PCDHA5: variants seen among roughly 807,000 people sequenced by gnomAD.
The protein encoded by PCDHA5 is protocadherin alpha-5.
PCDHA5 carries 43 observed loss-of-function variants against 61.6 expected under a neutral mutation model. The observed-to-expected ratio is 0.70, with a 90% CI of 0.55 to 0.90. The LOEUF is 0.90. PCDHA5 is among the 40% of genes least tolerant of loss of function. The pLI is 0.00. For missense variants in PCDHA5, 1,298 were observed against 1,222.7 expected (o/e 1.06, Z -0.92); for synonymous variants, 627 against 543.9 (o/e 1.15, Z -2.13).
chr5:140,852,153 T>C, intron 1 of PCDHA5: 1 of 858,712 alleles, frequency 1.2e-6, no homozygotes, highest in Non-Finnish European at 1.4e-6. Context: ...CAGAATGGCC[T>C]TGAGAATAGA....
chr5:140,939,246 C>A (rs536477969), intron 1 of PCDHA5, among the ~76,000 whole-genome samples: 1 of 152,112 alleles, frequency 6.6e-6, no homozygotes, highest in South Asian at 2.1e-4. Context: ...AGCAAGGTAG[C>A]TCTCTGGAAC....
chr5:140,834,198 C>A, intron 1 of PCDHA5: 3 of 594,856 alleles, frequency 5.0e-6, no homozygotes, highest in East Asian at 2.8e-5. Flanking sequence ...CGCTCTTTAC[C>A]GCAAATTCTT....
intron 1 of PCDHA5, among the ~76,000 whole-genome samples, chr5:140,940,470 AT>A (rs201096499): frequency 2.7e-5 from 4 of 149,646 alleles, no homozygotes; most frequent in South Asian, 2.1e-4. Flanking sequence ...GTTCCCTGCA[AT>A]TTTTTTTTTC....
chr5:140,965,121 T>G (rs1454584682), intron 1 of PCDHA5, among the ~76,000 whole-genome samples: 6 of 152,178 alleles, frequency 3.9e-5, no homozygotes, highest in African/African-American at 1.4e-4. Flanking sequence ...TAGAGGAAGA[T>G]CTACAGATGA....
chr5:140,842,333 G>A, intron 1 of PCDHA5: 2 of 1,608,106 alleles, frequency 1.2e-6, no homozygotes, highest in South Asian at 2.2e-5. Flanking sequence ...CACCGTTTTA[G>A]TGAGAATTTT....
intron 1 of PCDHA5, among the ~76,000 whole-genome samples, chr5:140,897,014 A>G (rs545411496): frequency 1.3e-3 from 202 of 152,284 alleles, no homozygotes; most frequent in Non-Finnish European, 2.0e-3. Context: ...TAAATATACA[A>G]CTAAATTATT....
intron 1 of PCDHA5, chr5:140,927,691 G>C (rs782046420): frequency 6.2e-7 from 1 of 1,614,072 alleles, no homozygotes; most frequent in African/African-American, 1.3e-5. Flanking sequence ...GTCCAATGGG[G>C]AAGTCCAGTA....
chr5:140,863,538 T>C (rs187152479), intron 1 of PCDHA5: 1 of 386,422 alleles, frequency 2.6e-6, no homozygotes, highest in Non-Finnish European at 5.0e-6. Flanking sequence ...ATTTTGGAGA[T>C]GGACTTCAAT....
At chr5:140,964,367 T>C (rs1269937571) in intron 1 of PCDHA5, among the ~76,000 whole-genome samples, 1 of 152,178 alleles carries the variant, frequency 6.6e-6, no homozygotes, top group Non-Finnish European at 1.5e-5. Context: ...ACAAGAGTGC[T>C]GAAAGGAGAG....
At chr5:140,903,608 C>G (rs2070424862) in intron 1 of PCDHA5, among the ~76,000 whole-genome samples, 1 of 152,124 alleles carries the variant, frequency 6.6e-6, no homozygotes, top group African/African-American at 2.4e-5. Flanking sequence ...GCTTAATACA[C>G]ATGAATGTGC....
At position 140,829,190 on chromosome 5, in the gene PCDHA5, A is replaced by G. The variant is rs1364701507; in HGVS notation, c.2352+5063A>G. The G allele has an allele frequency of 4.3e-6, 7 of 1,614,074 alleles. No homozygotes were observed. The Admixed American group carries it at 1.0e-4, about 23-fold the overall frequency. On this transcript the variant is annotated intron_variant, in intron 1 of 3. Coordinates refer to ENST00000529859, the MANE Select transcript of PCDHA5 (RefSeq NM_018908.3). ...TGTACGTGAAGACGCTCAATTTGGT[A>G]CTGTCATCGCCCTAATTAGCGTGAA... is the stretch of plus-strand genomic sequence containing the variant.
chr5:140,828,210 A>G (rs200919454), intron 1 of PCDHA5: 5 of 1,613,938 alleles, frequency 3.1e-6, no homozygotes, highest in Non-Finnish European at 3.4e-6. Flanking sequence ...GAGGAGGCCA[A>G]ACACGGCACC....
At position 141,010,088 on chromosome 5, in the gene PCDHA5, C is replaced by T. The variant is rs1165296922; in HGVS notation, c.*151C>T. ...GAAAGTTCCCTGTGTCTGTCTAGAA[C>T]GCATTTAACAGGTTTTGTCGTAAAA... On this transcript the variant is annotated 3_prime_UTR_variant, in exon 4 of 4. Transcript: ENST00000529859. 2.0e-5 allele frequency: 33 copies of T among 1,612,012 alleles called. No homozygotes were observed. Among genetic ancestry groups the T allele is most frequent in the South Asian group, 4.4e-5 (4 of 90,728 alleles).
At chr5:140,998,347 T>C (rs2097807005) in intron 3 of PCDHA5, among the ~76,000 whole-genome samples, 1 of 152,202 alleles carries the variant, frequency 6.6e-6, no homozygotes, top group Non-Finnish European at 1.5e-5. Context: ...TCTGAGTCTG[T>C]GCTCTTAACC....
intron 1 of PCDHA5, chr5:140,927,356 G>C: frequency 6.2e-7 from 1 of 1,614,076 alleles, no homozygotes. Context: ...GACGAGGGAA[G>C]CAATGGGATA....
intron 1 of PCDHA5, chr5:140,852,575 CTTT>C (rs1395261617): frequency 1.3e-6 from 1 of 799,030 alleles, no homozygotes. Context: ...TGTGCCAAGG[CTTT>C]TTTATTTTTT....
At chr5:140,857,465 ATCT>A in intron 1 of PCDHA5, 1 of 1,598,478 alleles carries the variant, frequency 6.3e-7, no homozygotes, top group Non-Finnish European at 8.6e-7. Context: ...AGGCTGCCAC[ATCT>A]TCACGGTGTC....
intron 3 of PCDHA5, among the ~76,000 whole-genome samples, chr5:140,997,706 A>G (rs1387378770): frequency 3.3e-5 from 5 of 151,686 alleles, no homozygotes; most frequent in African/African-American, 1.2e-4. Flanking sequence ...GTATGTTAAC[A>G]AACACCTTTC....
intron 1 of PCDHA5, among the ~76,000 whole-genome samples, chr5:140,938,050 A>G (rs1169641392): frequency 6.6e-6 from 1 of 152,116 alleles, no homozygotes; most frequent in African/African-American, 2.4e-5. Context: ...TGGGTTTTCT[A>G]CATATACTGT....
Sources: allele counts gnomAD v4.1 joint callset (sites outside exome capture counted in the v4.1 genomes callset), GRCh38; gene constraint gnomAD v4.1.1; transcripts MANE v1.5; gene names NCBI Gene and HGNC (gene_info 2026-07-23, HGNC 2026-07-21).